ANO3: variants seen among roughly 807,000 people sequenced by gnomAD.
The protein encoded by ANO3 is anoctamin 3, also known as anoctamin-3.
ANO3 carries 99 observed loss-of-function variants against 144.8 expected under a neutral mutation model. That is an observed-to-expected ratio of 0.68 (90% CI 0.58 to 0.81). The LOEUF (loss-of-function observed/expected upper bound fraction) is 0.81, where lower values mean the gene tolerates loss of function less well. ANO3 is among the 30% of genes least tolerant of loss of function. ANO3 has a pLI of 0.00. For synonymous variants in ANO3, 414 were observed against 392.6 expected, an observed-to-expected ratio of 1.05 and a Z score of -0.64; for missense variants, 905 against 1,202.2, an observed-to-expected ratio of 0.75 and a Z score of 3.66.
Position 26,559,725 on chromosome 11 carries a change from T to C in ANO3, c.1393T>C (p.Tyr465His), listed in dbSNP as rs1450171728. The change falls in exon 14 of 27, where the codon TAT becomes CAT. Residue 465 changes from tyrosine to histidine, a missense_variant. By Grantham distance (83) the Tyr-to-His change is moderately conservative. Transcript: ENST00000256737. ...CTGTTTGTTTTCTACTCAGGTGACA[T>C]ATTTGTTCGATAATGGAGGGACAGT... ...NDSCIYAKVT[Y>H]LFDNGGTVFF... 3.7e-6 allele frequency: 6 copies of C among 1,611,226 alleles called. No individual in the cohort carries two copies. Among genetic ancestry groups the C allele is most frequent in the South Asian group, 2.2e-5 (2 of 91,018 alleles).
At chr11:26,227,347 C>T (rs1488587928) in intron 1 of ANO3, among the ~76,000 whole-genome samples, 1 of 152,154 alleles carries the variant, frequency 6.6e-6, no homozygotes. Context: ...CAGACATCTG[C>T]CTCCATTTAG....
At chr11:26,244,303 G>A (rs547697936) in intron 1 of ANO3, among the ~76,000 whole-genome samples, 2 of 152,200 alleles carry the variant, frequency 1.3e-5, no homozygotes, top group Non-Finnish European at 2.9e-5. Flanking sequence ...ATCTCTGAGT[G>A]GCTTCAGCAA....
intron 1 of ANO3, among the ~76,000 whole-genome samples, chr11:26,302,048 G>A (rs572772585): frequency 6.6e-6 from 1 of 152,354 alleles, no homozygotes; most frequent in African/African-American, 2.4e-5. Context: ...CAGAGACTGT[G>A]AAGGTAACTG....
chr11:26,460,022 C>T, intron 3 of ANO3: 1 of 432,600 alleles, frequency 2.3e-6, no homozygotes, highest in Non-Finnish European at 4.6e-6. Context: ...CTCCATGATC[C>T]AAACACTTCC....
intron 1 of ANO3, among the ~76,000 whole-genome samples, chr11:26,300,855 CTTT>C (rs376885670): frequency 0.012 from 1,553 of 128,662 alleles, 12 homozygotes; most frequent in African/African-American, 0.044. Context: ...TCTTTTTTTT[CTTT>C]TTTTTTTTTT....
At chr11:26,627,849 G>GTGTGTGTA (rs1852641020) in intron 18 of ANO3, among the ~76,000 whole-genome samples, 1 of 144,614 alleles carries the variant, frequency 6.9e-6, no homozygotes, top group Non-Finnish European at 1.5e-5. Flanking sequence ...GTGTGTGTGT[G>GTGTGTGTA]TGTGTGCGCC....
At chr11:26,438,322 G>A (rs1406897731) in intron 1 of ANO3, among the ~76,000 whole-genome samples, 1 of 152,040 alleles carries the variant, frequency 6.6e-6, no homozygotes, top group Non-Finnish European at 1.5e-5. Context: ...AAGAACTTCT[G>A]CTTTTTAGAA....
intron 17 of ANO3, among the ~76,000 whole-genome samples, chr11:26,600,580 C>G (rs1472388038): frequency 1.6e-5 from 2 of 121,326 alleles, no homozygotes; most frequent in Non-Finnish European, 3.4e-5. Flanking sequence ...CACTTCCTCT[C>G]CCTCCCTTCC....
intron 1 of ANO3, among the ~76,000 whole-genome samples, chr11:26,248,720 AT>A (rs747390793): frequency 3.9e-5 from 6 of 152,064 alleles, no homozygotes. Context: ...AATATACTGT[AT>A]TTTTTTGTTT....
chr11:26,642,415 A>G (rs4494265), intron 22 of ANO3, among the ~76,000 whole-genome samples: 96,167 of 145,164 alleles, frequency 0.66, 32,409 homozygotes, highest in Non-Finnish European at 0.75. Flanking sequence ...GCAGTGGCAC[A>G]ATCTCGGCTC....
At chr11:26,329,321 CACACACAGAGAG>C (rs761735050), upstream of ANO3, among the ~76,000 whole-genome samples, 884 of 75,374 alleles carry the variant, frequency 0.012, 9 homozygotes, top group Middle Eastern at 0.037. Context: ...CACACACACA[CACACACAGAGAG>C]AGAGAGAGAG....
chr11:26,450,661 A>G (rs1858897294), intron 3 of ANO3, among the ~76,000 whole-genome samples: 3 of 152,192 alleles, frequency 2.0e-5, no homozygotes, highest in Non-Finnish European at 4.4e-5. Flanking sequence ...CCGATTTGAG[A>G]AATGGAGATA....
intron 17 of ANO3, among the ~76,000 whole-genome samples, chr11:26,617,481 G>A (rs1158927435): frequency 6.6e-6 from 1 of 152,210 alleles, no homozygotes; most frequent in Non-Finnish European, 1.5e-5. Context: ...TCTTTTGAGA[G>A]CCTCAGCATC....
intron 1 of ANO3, among the ~76,000 whole-genome samples, chr11:26,205,030 C>A (rs1851770174): frequency 6.6e-6 from 1 of 152,086 alleles, no homozygotes; most frequent in Admixed American, 6.6e-5. Context: ...ACGAGTCCTT[C>A]CTCACAAGGT....
chr11:26,226,874 T>C (rs1346398341), intron 1 of ANO3, among the ~76,000 whole-genome samples: 1 of 152,136 alleles, frequency 6.6e-6, no homozygotes, highest in Non-Finnish European at 1.5e-5. Flanking sequence ...GCCATCACCA[T>C]CATCCATTTC....
intron 1 of ANO3, among the ~76,000 whole-genome samples, chr11:26,368,188 A>C (rs1301489423): frequency 6.6e-6 from 1 of 152,220 alleles, no homozygotes; most frequent in African/African-American, 2.4e-5. Context: ...CTGAGTGAGC[A>C]ACAAGTCCTG....
intron 1 of ANO3, among the ~76,000 whole-genome samples, chr11:26,433,976 A>C (rs1858205859): frequency 6.6e-6 from 1 of 152,204 alleles, no homozygotes; most frequent in African/African-American, 2.4e-5. Context: ...GAATGCTATC[A>C]GCTCTTCTTT....
chr11:26,413,871 A>G (rs1857497298), intron 1 of ANO3, among the ~76,000 whole-genome samples: 1 of 152,122 alleles, frequency 6.6e-6, no homozygotes, highest in Non-Finnish European at 1.5e-5. Flanking sequence ...ACTGGCAGAC[A>G]TAAAGAAATT....
At chr11:26,235,391 TTC>T (rs940401051) in intron 1 of ANO3, among the ~76,000 whole-genome samples, 5 of 152,256 alleles carry the variant, frequency 3.3e-5, no homozygotes, top group African/African-American at 1.2e-4. Context: ...GTGTGTGTGT[TTC>T]TCTCTTTCCA....
Sources: gnomAD v4.1 joint callset for allele counts (sites outside exome capture counted in the v4.1 genomes callset) on GRCh38, gnomAD v4.1.1 for gene constraint, MANE v1.5 for transcripts, NCBI Gene and HGNC (gene_info 2026-07-23, HGNC 2026-07-21) for gene names.